Variants in POLI observed in about 807,000 individuals in gnomAD.
The protein encoded by POLI is RAD30 homolog B.
Under a neutral mutation model 51.6 loss-of-function variants are expected in POLI, and 58 were observed. The observed-to-expected ratio is 1.12, with a 90% confidence interval of 0.91 to 1.40. The LOEUF is 1.40. Among genes scored for constraint, POLI ranks in the 40% most tolerant of loss-of-function variants. The probability of loss-of-function intolerance (pLI) is 0.00; values close to 1 mark genes in which losing one functional copy is unlikely to be tolerated. For synonymous variants in POLI, 322 were observed against 299.7 expected (o/e 1.07, Z -0.77); for missense variants, 921 against 871.3 (o/e 1.06, Z -0.72).
Position 54,293,990 on chromosome 18 carries a change from A to G in POLI, c.1746A>G (p.Ile582Met). The change falls in exon 10 of 10, where the codon ATA becomes ATG. Residue 582 changes from isoleucine (I) to methionine (M), a missense_variant. By Grantham distance (10) the Ile-to-Met change is conservative (BLOSUM62 1). Coordinates refer to ENST00000579534, the MANE Select transcript of POLI (RefSeq NM_007195.3). ...FSKKQMQDIP[I>M]NPRDHLSSSK... ...AAAAACAAATGCAAGATATTCCCAT[A>G]AATCCTAGAGATCATTTATCCAGTA... 1 of 1,613,280 alleles carries G rather than the reference A, an allele frequency of 6.2e-7. No homozygotes were observed. The highest frequency in any genetic ancestry group is 1.1e-5 in the South Asian group (1 of 91,064).
intron 7 of POLI, among the ~76,000 whole-genome samples, chr18:54,285,607 A>G (rs1599208237): frequency 6.6e-6 from 1 of 151,908 alleles, no homozygotes; most frequent in South Asian, 2.1e-4. Flanking sequence ...GATTAATACT[A>G]TAGGTATGTA....
rs1357776535 is a variant in POLI, at chr18:54,297,216, C to G, written c.*2749C>G. The G allele has an allele frequency of 1.0e-6, 1 of 984,874 alleles. No homozygotes were observed. The highest frequency in any genetic ancestry group is 1.8e-5 in the African/African-American group (1 of 57,112). 61.0% of individuals were successfully genotyped at this position (984,874 alleles called of 1,614,324 possible). A position where few individuals can be genotyped will look rare whatever the true frequency, so the allele number is the denominator to read the frequency against. ...AGCTATCTGCCTCCAGGGATAAACCCCATCTTTCAAGCTTGCTTCTTGCTT... is the reference window on the plus strand; with the variant it reads ...AGCTATCTGCCTCCAGGGATAAACCGCATCTTTCAAGCTTGCTTCTTGCTT... On this transcript the variant is annotated 3_prime_UTR_variant, in exon 10 of 10. Coordinates refer to ENST00000579534, the MANE Select transcript of POLI (RefSeq NM_007195.3).
chr18:54,282,783 T>C (rs1443796696), intron 5 of POLI, 54 bp from the exon 6 acceptor site: 1 of 949,918 alleles, frequency 1.1e-6, no homozygotes, highest in Non-Finnish European at 1.6e-6. Flanking sequence ...TTTAATTAGC[T>C]TTGTTTTAAG....
rs2088219620 is a variant in POLI at position 54,294,745 on chromosome 18, T to C, written c.*278T>C. 1 of 1,024,096 alleles carries C rather than the reference T, an allele frequency of 9.8e-7. No individual in the cohort carries two copies. Among genetic ancestry groups the C allele is most frequent in the Non-Finnish European group, 1.2e-6 (1 of 848,698 alleles). 63.4% of individuals were successfully genotyped at this position (1,024,096 alleles called of 1,614,324 possible). A position where few individuals can be genotyped will look rare whatever the true frequency, so the allele number is the denominator to read the frequency against. On this transcript the variant is annotated 3_prime_UTR_variant, in exon 10 of 10. Coordinates refer to ENST00000579534, the MANE Select transcript of POLI (RefSeq NM_007195.3). ...GTCAACATAGAATATTTTTCATGAA[T>C]TGGTGGGGAGATGTATATGTTTATA...
rs1599253625 is a variant in POLI, at chr18:54,295,274, T to G, written c.*807T>G. 1.0e-6 allele frequency: 1 copy of G among 985,030 alleles called. No individual in the cohort carries two copies. Among genetic ancestry groups the G allele is most frequent in the East Asian group, 1.1e-4 (1 of 8,802 alleles). 61.0% of individuals were successfully genotyped at this position (985,030 alleles called of 1,614,324 possible). A position where few individuals can be genotyped will look rare whatever the true frequency, so the allele number is the denominator to read the frequency against. On this transcript the variant is annotated 3_prime_UTR_variant, in exon 10 of 10. Transcript: ENST00000579534. Reference sequence around the variant, plus strand: ...AAGGGCCTAAAAGCACTGAGATGTTTTTGTATCTTCCCTACATTTGGAGAT... The same window carrying G: ...AAGGGCCTAAAAGCACTGAGATGTTGTTGTATCTTCCCTACATTTGGAGAT...
intron 3 of POLI, chr18:54,311,222 C>A: frequency 2.6e-6 from 1 of 391,124 alleles, no homozygotes; most frequent in Non-Finnish European, 3.5e-6. Flanking sequence ...CTGCTGTTGC[C>A]TCTGTTGTTG....
chr18:54,302,033 G>A (rs528359124), downstream of POLI, among the ~76,000 whole-genome samples: 10 of 152,280 alleles, frequency 6.6e-5, no homozygotes, highest in East Asian at 1.9e-3. Flanking sequence ...CTAAAAATAT[G>A]ACTGGAAGCT....
chr18:54,306,329 T>C (rs2088585027), intron 3 of POLI, among the ~76,000 whole-genome samples: 1 of 152,244 alleles, frequency 6.6e-6, no homozygotes, highest in African/African-American at 2.4e-5. Context: ...TCTATTGAGA[T>C]AATCATGTGG....
rs185399116 is a variant in POLI at position 54,273,483 on chromosome 18, T to C, written c.242-443T>C. ...AAAAAAATCCTAGAGAGATTTGATTTGTATCTTATCACTGAAGATTCCATA... is the reference window on the plus strand; with the variant it reads ...AAAAAAATCCTAGAGAGATTTGATTCGTATCTTATCACTGAAGATTCCATA... On this transcript the variant is annotated intron_variant, in intron 2 of 9. Coordinates refer to ENST00000579534, the MANE Select transcript of POLI (RefSeq NM_007195.3). Among the ~76,000 whole-genome samples the C allele has an allele frequency of 7.9e-5, 12 of 152,064 alleles. No homozygotes were observed. In the East Asian group the frequency reaches 9.6e-4, roughly 12 times the overall value.
intron 8 of POLI, among the ~76,000 whole-genome samples, chr18:54,290,090 G>A (rs903736591): frequency 1.3e-5 from 2 of 152,128 alleles, no homozygotes; most frequent in African/African-American, 4.8e-5. Context: ...CTGACAAAGG[G>A]CTAATATCCA....
intron 3 of POLI, among the ~76,000 whole-genome samples, chr18:54,304,996 C>T (rs2088558094): frequency 6.6e-6 from 1 of 152,232 alleles, no homozygotes; most frequent in Non-Finnish European, 1.5e-5. Context: ...CCAGTTTTCT[C>T]AGCACCATTC....
At chr18:54,269,751 C>A in intron 1 of POLI, 90 bp downstream of exon 1, 2 of 1,402,638 alleles carry the variant, frequency 1.4e-6, no homozygotes, top group Non-Finnish European at 9.2e-7. Flanking sequence ...GCCACTGGGG[C>A]GCGACCGTCC....
At chr18:54,302,003 A>G (rs1054169729), downstream of POLI, among the ~76,000 whole-genome samples, 1 of 152,038 alleles carries the variant, frequency 6.6e-6, no homozygotes, top group East Asian at 1.9e-4. Flanking sequence ...AGTTGCTTTT[A>G]TTTGTTTAAG....
chr18:54,293,038 C>T (rs374110213), intron 9 of POLI, among the ~76,000 whole-genome samples: 10 of 151,742 alleles, frequency 6.6e-5, no homozygotes, highest in African/African-American at 1.5e-4. Flanking sequence ...TTGATGTTTA[C>T]GGAGTTATAT....
At position 54,293,575 on chromosome 18, in the gene POLI, C is replaced by T; in HGVS notation, c.1405-74C>T. 3 of 1,032,452 alleles carry T rather than the reference C, an allele frequency of 2.9e-6. No individual in the cohort carries two copies. In the South Asian group the frequency reaches 5.3e-5, roughly 18 times the overall value. The allele number at this position is 1,032,452 out of a possible 1,614,324, so 64.0% of individuals were successfully genotyped here. A position where few individuals can be genotyped will look rare whatever the true frequency, so the allele number is the denominator to read the frequency against. On this transcript the variant is annotated intron_variant, in intron 9 of 9. Coordinates refer to ENST00000579534, the MANE Select transcript of POLI (RefSeq NM_007195.3). The stretch of plus-strand genomic sequence containing the variant: ...TTAGAAACATGTCAGATAATAGCTA[C>T]AGGCACACAGCAGCAGCAGCGATAT...
intron 3 of POLI, among the ~76,000 whole-genome samples, chr18:54,316,624 A>G (rs1405807771): frequency 6.6e-6 from 1 of 152,202 alleles, no homozygotes; most frequent in Non-Finnish European, 1.5e-5. Flanking sequence ...GTGGAGGGCT[A>G]TACAACAAAA....
chr18:54,290,161 G>C (rs547442220), intron 8 of POLI, among the ~76,000 whole-genome samples: 1 of 152,308 alleles, frequency 6.6e-6, no homozygotes, highest in South Asian at 2.1e-4. Context: ...ATCAAAAAGT[G>C]GGCAAAGGAT....
At position 54,280,702 on chromosome 18, in the gene POLI, C is replaced by T; in HGVS notation, c.595C>T (p.Leu199Phe). Residue 199 changes from leucine to phenylalanine, a missense_variant, in exon 5 of 10, where the codon CTT becomes TTT. Coordinates refer to ENST00000579534, the MANE Select transcript of POLI (RefSeq NM_007195.3). ...GCTTGACGTCTTGCACATCAGACTA[C>T]TTGTTGGATCTCAGATTGCAGCAGA... Reference protein sequence around the residue: ...NLLDVLHIRLLVGSQIAAEMR... With the variant: ...NLLDVLHIRLFVGSQIAAEMR... 6.2e-7 allele frequency: 1 copy of T among 1,613,704 alleles called. No homozygotes were observed. The highest frequency in any genetic ancestry group is 8.5e-7 in the Non-Finnish European group (1 of 1,179,626).
intron 3 of POLI, among the ~76,000 whole-genome samples, chr18:54,316,234 A>G (rs503240): frequency 0.25 from 37,488 of 152,062 alleles, 4,809 homozygotes; most frequent in Middle Eastern, 0.3. Flanking sequence ...TTTAAGTTGG[A>G]CATTTAGACT....
Sources: gnomAD v4.1 joint callset for allele counts (sites outside exome capture counted in the v4.1 genomes callset) on GRCh38, gnomAD v4.1.1 for gene constraint, MANE v1.5 for transcripts, NCBI Gene and HGNC (gene_info 2026-07-23, HGNC 2026-07-21) for gene names.